UBR1: variants seen among roughly 807,000 people sequenced by gnomAD.
The protein encoded by UBR1 is ubiquitin protein ligase E3 component n-recognin 1, also known as E3 ubiquitin-protein ligase UBR1.
UBR1 carries 102 observed loss-of-function variants against 242.1 expected under a neutral mutation model. That is an observed-to-expected ratio of 0.42 (90% confidence interval 0.36 to 0.50). UBR1 has a LOEUF of 0.50. Ranked by LOEUF, UBR1 falls within the 20% of genes least tolerant of loss-of-function variation. UBR1 has a pLI of 0.01. For synonymous variants in UBR1, 675 were observed against 684.8 expected, an observed-to-expected ratio of 0.99 and a Z score of 0.22; for missense variants, 1,772 against 2,101.8, an observed-to-expected ratio of 0.84 and a Z score of 3.07.
At chr15:43,059,492 TAA>T (rs2033656696) in intron 8 of UBR1, among the ~76,000 whole-genome samples, 1 of 148,706 alleles carries the variant, frequency 6.7e-6, no homozygotes, top group South Asian at 2.1e-4. Context: ...CAACAGCCAA[TAA>T]AAAGATATTA....
At chr15:43,025,239 G>A in intron 24 of UBR1, 142 bp downstream of exon 24, 5 of 877,228 alleles carry the variant, frequency 5.7e-6, no homozygotes, top group South Asian at 1.6e-5. Context: ...ATCTTAATAT[G>A]TGAATAAGAA....
intron 1 of UBR1, among the ~76,000 whole-genome samples, chr15:43,087,377 C>A (rs189896580): frequency 6.6e-6 from 1 of 151,996 alleles, no homozygotes; most frequent in Admixed American, 6.6e-5. Flanking sequence ...TGTACTCCAG[C>A]CTGGGCGACA....
At position 43,082,792 on chromosome 15, in the gene UBR1, G is replaced by A. The variant is rs964963665; in HGVS notation, c.339-76C>T. The A allele has an allele frequency of 6.5e-6, 7 of 1,083,236 alleles. No homozygotes were observed. The African/African-American group carries it at 7.7e-5, about 12-fold the overall frequency. 67.1% of individuals were successfully genotyped at this position (1,083,236 alleles called of 1,614,324 possible). ...GCTCAAGGTATGACTATAATACAAT[G>A]TGAACAAGTTTCCTCTATGGTACAC... On this transcript the variant is annotated intron_variant, in intron 2 of 46. Coordinates refer to ENST00000290650, the MANE Select transcript of UBR1 (RefSeq NM_174916.3).
At chr15:42,968,494 G>A (rs376293588) in intron 40 of UBR1, among the ~76,000 whole-genome samples, 14 of 151,002 alleles carry the variant, frequency 9.3e-5, no homozygotes, top group African/African-American at 2.4e-4. Flanking sequence ...AAAAGTGTTC[G>A]GATTACAGGC....
At chr15:43,031,326 T>TAAAAATAAAACAGC (rs1461766840) in intron 20 of UBR1, among the ~76,000 whole-genome samples, 3 of 151,818 alleles carry the variant, frequency 2.0e-5, no homozygotes, top group Non-Finnish European at 2.9e-5. Context: ...AATAAAACAG[T>TAAAAATAAAACAGC]AAAAATAAAA....
At chr15:43,039,585 C>T (rs1217534149) in intron 15 of UBR1, among the ~76,000 whole-genome samples, 3 of 152,180 alleles carry the variant, frequency 2.0e-5, no homozygotes, top group Non-Finnish European at 4.4e-5. Context: ...TGGGCTGAGA[C>T]GATGGGGTTT....
chr15:42,992,167 C>A (rs528735451), intron 33 of UBR1, among the ~76,000 whole-genome samples: 16 of 152,260 alleles, frequency 1.1e-4, no homozygotes, highest in African/African-American at 3.9e-4. Flanking sequence ...TAACTTCTAT[C>A]TTTCAACTCT....
intron 27 of UBR1, among the ~76,000 whole-genome samples, chr15:43,020,206 A>C (rs962593335): frequency 6.6e-6 from 1 of 151,750 alleles, no homozygotes; most frequent in Non-Finnish European, 1.5e-5. Flanking sequence ...TGCCTGGCTA[A>C]TTTTTTGTAT....
In UBR1 at chr15:43,054,783, C is replaced by A. The variant is rs778167157; in HGVS notation, c.1398G>T (p.Gln466His). The stretch of plus-strand genomic sequence containing the variant: ...CTGCATATACTCTTCCCAATTTGTC[C>A]TGGCTATAACCCTGGAAGTTGAATT... ...NNKFNFQGYS[Q>H]DKLGRVYAVI... Residue 466 changes from glutamine to histidine, a missense_variant, in exon 12 of 47, where the codon CAG becomes CAT. Physicochemically the swap from Gln to His is conservative, Grantham distance 24 (BLOSUM62 0). Coordinates refer to ENST00000290650, the MANE Select transcript of UBR1 (RefSeq NM_174916.3). 6.2e-7 allele frequency: 1 copy of A among 1,614,128 alleles called. No homozygotes were observed. The highest frequency in any genetic ancestry group is 2.2e-5 in the East Asian group (1 of 44,864).
intron 35 of UBR1, among the ~76,000 whole-genome samples, chr15:42,986,499 AAAATAGTAAAGTGTG>A (rs2032461447): frequency 6.6e-6 from 1 of 152,350 alleles, no homozygotes; most frequent in Admixed American, 6.5e-5. Flanking sequence ...TATCTTCCCC[AAAATAGTAAAGTGTG>A]AAATAGCTTC....
chr15:43,083,529 C>T (rs746240446), intron 2 of UBR1, among the ~76,000 whole-genome samples: 16 of 151,642 alleles, frequency 1.1e-4, no homozygotes, highest in Admixed American at 7.9e-4. Flanking sequence ...TACAGGCATG[C>T]GCCACCACGC....
chr15:43,086,234 CCCA>C lies in UBR1; in HGVS notation c.85_87del (p.Trp29del). Reference sequence around the variant, plus strand: ...GCAGTATAAAAATCAACTTGCTGATCCCACCACTAAAAGAAAAGAAGATGAAAA... The same window carrying C: ...GCAGTATAAAAATCAACTTGCTGATCCCACTAAAAGAAAAGAAGATGAAAA... On this transcript the variant is annotated inframe_deletion, in exon 2 of 47. Coordinates refer to ENST00000290650, the MANE Select transcript of UBR1 (RefSeq NM_174916.3). 6.2e-7 allele frequency: 1 copy of C among 1,613,766 alleles called. No individual in the cohort carries two copies. Among genetic ancestry groups the C allele is most frequent in the Non-Finnish European group, 8.5e-7 (1 of 1,179,958 alleles).
chr15:43,053,321 T>TCCC (rs2033578355), intron 12 of UBR1, among the ~76,000 whole-genome samples: 5 of 152,186 alleles, frequency 3.3e-5, no homozygotes, highest in Admixed American at 2.6e-4. Context: ...ATAAAACAAG[T>TCCC]GATTATGCAC....
chr15:42,987,422 A>C (rs2032484338), intron 35 of UBR1, among the ~76,000 whole-genome samples: 1 of 152,348 alleles, frequency 6.6e-6, no homozygotes, highest in South Asian at 2.1e-4. Context: ...TTGGGAAAAA[A>C]TGTGGCTTCA....
intron 1 of UBR1, among the ~76,000 whole-genome samples, chr15:43,103,752 C>T (rs949662827): frequency 6.6e-6 from 1 of 152,116 alleles, no homozygotes; most frequent in Non-Finnish European, 1.5e-5. Flanking sequence ...GGAAATTGTA[C>T]GATTGCTTAA....
At chr15:43,012,408 G>A (rs945126490) in intron 29 of UBR1, among the ~76,000 whole-genome samples, 2 of 152,098 alleles carry the variant, frequency 1.3e-5, no homozygotes, top group Admixed American at 6.6e-5. Context: ...ATAGAAAGAG[G>A]TCTAAGAACA....
At chr15:42,965,512 G>A (rs1185556519) in intron 41 of UBR1, among the ~76,000 whole-genome samples, 2 of 148,180 alleles carry the variant, frequency 1.3e-5, no homozygotes, top group East Asian at 3.9e-4. Flanking sequence ...CACCCAGGCT[G>A]GAGTGCAGTG....
chr15:43,056,258 C>G, intron 11 of UBR1, 86 bp downstream of exon 11: 1 of 1,059,410 alleles, frequency 9.4e-7, no homozygotes, highest in Non-Finnish European at 1.5e-6. Context: ...TAACATTGTT[C>G]TAATTTGATT....
At chr15:43,077,799 T>A (rs1017967516) in intron 3 of UBR1, among the ~76,000 whole-genome samples, 4 of 152,140 alleles carry the variant, frequency 2.6e-5, no homozygotes, top group Admixed American at 2.0e-4. Context: ...CTTTATCCTT[T>A]CAGTGTTGTT....
Sources: gnomAD v4.1 joint callset for allele counts (sites outside exome capture counted in the v4.1 genomes callset) on GRCh38, gnomAD v4.1.1 for gene constraint, MANE v1.5 for transcripts, NCBI Gene and HGNC (gene_info 2026-07-23, HGNC 2026-07-21) for gene names.